COL25A1: variants seen among roughly 807,000 people sequenced by gnomAD.
The protein encoded by COL25A1 is collagen type XXV alpha 1 chain, also known as collagen alpha-1(XXV) chain.
COL25A1 carries 103 observed loss-of-function variants against 128.4 expected under a neutral mutation model. The ratio of observed to expected loss-of-function variants is 0.80; its 90% CI spans 0.68 to 0.94. The LOEUF (loss-of-function observed/expected upper bound fraction) is 0.94, where lower values mean the gene tolerates loss of function less well. Among genes scored for constraint, COL25A1 ranks in the 40% least tolerant of loss-of-function variants. COL25A1 has a pLI of 0.00. For synonymous variants in COL25A1, 279 were observed against 277.2 expected (o/e 1.01, Z -0.06); for missense variants, 745 against 840.0 (o/e 0.89, Z 1.40).
At chr4:108,972,563 T>C (rs975149055) in intron 8 of COL25A1, among the ~76,000 whole-genome samples, 5 of 152,326 alleles carry the variant, frequency 3.3e-5, no homozygotes, top group Admixed American at 6.5e-5. Context: ...TCATTCTCTT[T>C]CACCTCTACC....
chr4:109,169,766 T>C (rs1003661728), intron 3 of COL25A1, among the ~76,000 whole-genome samples: 2 of 152,188 alleles, frequency 1.3e-5, no homozygotes, highest in African/African-American at 4.8e-5. Flanking sequence ...CAGGAATATT[T>C]ATTTTTCCTT....
At chr4:109,169,292 T>A (rs775852299) in intron 3 of COL25A1, among the ~76,000 whole-genome samples, 17 of 152,178 alleles carry the variant, frequency 1.1e-4, no homozygotes, top group Non-Finnish European at 2.1e-4. Flanking sequence ...CCTGGCAAAC[T>A]TCCTAATCTA....
At chr4:109,248,825 A>C (rs925198121) in intron 3 of COL25A1, among the ~76,000 whole-genome samples, 20 of 152,186 alleles carry the variant, frequency 1.3e-4, no homozygotes, top group African/African-American at 4.8e-4. Context: ...AGATGAATGT[A>C]AGGAAACTGC....
At chr4:109,028,801 T>C (rs1339396484) in intron 5 of COL25A1, among the ~76,000 whole-genome samples, 1 of 151,326 alleles carries the variant, frequency 6.6e-6, no homozygotes, top group African/African-American at 2.4e-5. Flanking sequence ...GTGAGTAAGG[T>C]AGGAGGAGCA....
chr4:108,854,949 A>G (rs1286567066), intron 24 of COL25A1, among the ~76,000 whole-genome samples: 2 of 152,180 alleles, frequency 1.3e-5, no homozygotes, highest in African/African-American at 4.8e-5. Context: ...TCTCTAAAAC[A>G]TAATTCCTGA....
intron 5 of COL25A1, among the ~76,000 whole-genome samples, chr4:109,030,347 C>T (rs1758718887): frequency 6.6e-6 from 1 of 152,166 alleles, no homozygotes; most frequent in South Asian, 2.1e-4. Flanking sequence ...CTACACCCAC[C>T]ATTGGGCACA....
At chr4:108,999,396 C>A (rs1285944337) in intron 6 of COL25A1, among the ~76,000 whole-genome samples, 1 of 152,174 alleles carries the variant, frequency 6.6e-6, no homozygotes, top group Non-Finnish European at 1.5e-5. Flanking sequence ...TAGAGAAATG[C>A]AAATCAAAAC....
chr4:108,961,852 C>G (rs1419880208), intron 8 of COL25A1, among the ~76,000 whole-genome samples: 1 of 152,034 alleles, frequency 6.6e-6, no homozygotes, highest in African/African-American at 2.4e-5. Flanking sequence ...AAGTCAGCCT[C>G]TAAAAATAAT....
intron 5 of COL25A1, 56 bp from the exon 6 acceptor site, chr4:109,010,431 T>A: frequency 4.0e-6 from 5 of 1,234,704 alleles, no homozygotes; most frequent in Non-Finnish European, 5.7e-6. Flanking sequence ...AAGTGAATAT[T>A]TTCACTACCA....
intron 3 of COL25A1, among the ~76,000 whole-genome samples, chr4:109,275,509 G>T (rs375092960): frequency 1.3e-5 from 2 of 152,138 alleles, no homozygotes; most frequent in African/African-American, 4.8e-5. Flanking sequence ...TGACCCACTT[G>T]CCATACAGAA....
intron 8 of COL25A1, among the ~76,000 whole-genome samples, chr4:108,963,124 T>C (rs1402326908): frequency 1.1e-4 from 17 of 152,216 alleles, no homozygotes; most frequent in Admixed American, 1.1e-3. Flanking sequence ...TGTCAATGCA[T>C]AAGCCATTAT....
At chr4:109,019,367 C>CATATATATATATAT (rs1757498504) in intron 5 of COL25A1, among the ~76,000 whole-genome samples, 2 of 110,634 alleles carry the variant, frequency 1.8e-5, no homozygotes, top group Admixed American at 8.4e-5. Context: ...CACACACACA[C>CATATATATATATAT]ACACACACAT....
chr4:108,892,641 T>A (rs1269820792), intron 16 of COL25A1, among the ~76,000 whole-genome samples: 1 of 152,198 alleles, frequency 6.6e-6, no homozygotes, highest in African/African-American at 2.4e-5. Flanking sequence ...AGGTAATTCA[T>A]TTTTTTCTTT....
chr4:108,851,585 T>C (rs982420640), intron 26 of COL25A1, among the ~76,000 whole-genome samples: 6 of 152,104 alleles, frequency 3.9e-5, no homozygotes, highest in African/African-American at 1.4e-4. Flanking sequence ...AAAGCCAGAA[T>C]CACTGGCCAT....
chr4:108,940,965 C>T (rs1483828069), intron 9 of COL25A1, among the ~76,000 whole-genome samples: 1 of 152,180 alleles, frequency 6.6e-6, no homozygotes, highest in Non-Finnish European at 1.5e-5. Flanking sequence ...CATAACAACA[C>T]TGCATCAGTT....
At chr4:109,238,487 T>C (rs761854307) in intron 3 of COL25A1, among the ~76,000 whole-genome samples, 6 of 152,070 alleles carry the variant, frequency 3.9e-5, no homozygotes, top group Non-Finnish European at 7.4e-5. Flanking sequence ...CTTGAGGGCT[T>C]ACTGCATGTG....
At chr4:108,853,252 A>C (rs977787101) in intron 24 of COL25A1, among the ~76,000 whole-genome samples, 3 of 152,268 alleles carry the variant, frequency 2.0e-5, no homozygotes, top group South Asian at 2.1e-4. Flanking sequence ...GAACTGAGAA[A>C]TTTTGCTATT....
chr4:108,981,956 G>A (rs1423379221), intron 6 of COL25A1, among the ~76,000 whole-genome samples: 3 of 152,106 alleles, frequency 2.0e-5, no homozygotes, highest in East Asian at 1.9e-4. Context: ...AGCACTTTAG[G>A]AGGCTGAGGC....
chr4:109,175,884 T>C (rs1774047625), intron 3 of COL25A1, among the ~76,000 whole-genome samples: 1 of 152,244 alleles, frequency 6.6e-6, no homozygotes, highest in African/African-American at 2.4e-5. Context: ...AAATTATTTT[T>C]AGCTTATACT....
Sources: gnomAD v4.1 joint callset for allele counts (sites outside exome capture counted in the v4.1 genomes callset) on GRCh38, gnomAD v4.1.1 for gene constraint, MANE v1.5 for transcripts, NCBI Gene and HGNC (gene_info 2026-07-23, HGNC 2026-07-21) for gene names.